CIMIP2B: variants seen among roughly 807,000 people sequenced by gnomAD.
The protein encoded by CIMIP2B is family with sequence similarity 166 member B.
chr9:35,562,294 TCAACCCCCACAAACCACC>T, the CIMIP2B span: 2 of 1,231,690 alleles, frequency 1.6e-6, no homozygotes, highest in Non-Finnish European at 2.2e-6. Context: ...TCTATTAGTT[TCAACCCCCACAAACCACC>T]CAACCCACCC....
the CIMIP2B span, chr9:35,561,843 T>C: frequency 1.7e-6 from 1 of 602,488 alleles, no homozygotes; most frequent in Non-Finnish European, 2.9e-6. Flanking sequence ...TGTTTATGTA[T>C]TTATTTATTT....
the CIMIP2B span, chr9:35,563,826 C>T: frequency 6.2e-7 from 1 of 1,613,814 alleles, no homozygotes; most frequent in Admixed American, 1.7e-5. Flanking sequence ...TGGCCACAGC[C>T]ATGGGGAGCC....
At chr9:35,561,878 A>G in the CIMIP2B span, 1 of 691,888 alleles carries the variant, frequency 1.4e-6, no homozygotes, top group Admixed American at 2.2e-5. Context: ...TTAATAAAAA[A>G]GGTGCTCAGC....
At chr9:35,562,476 G>T in the CIMIP2B span, 34 of 1,585,016 alleles carry the variant, frequency 2.1e-5, no homozygotes, top group Non-Finnish European at 2.8e-5. Context: ...GCACTGCCTG[G>T]TGAGTGCTTC....
chr9:35,562,813 G>C, the CIMIP2B span: 1 of 1,610,072 alleles, frequency 6.2e-7, no homozygotes, highest in Non-Finnish European at 8.5e-7. Context: ...CCCACTGCCC[G>C]GACACACAGT....
chr9:35,563,280 G>A, the CIMIP2B span: 70 of 1,613,974 alleles, frequency 4.3e-5, no homozygotes, highest in East Asian at 1.3e-3. Flanking sequence ...AGAAGTGTGC[G>A]GTGGACAGGG....
chr9:35,563,142 A>G, the CIMIP2B span: 3 of 1,613,216 alleles, frequency 1.9e-6, no homozygotes, highest in East Asian at 2.2e-5. Context: ...TGGGAGGGGC[A>G]CCTGTGCATA....
the CIMIP2B span, chr9:35,563,131 C>G: frequency 2.5e-6 from 4 of 1,613,388 alleles, no homozygotes; most frequent in Admixed American, 6.7e-5. Context: ...ACACATGCTC[C>G]TGGGAGGGGC....
chr9:35,562,175 C>CCAAA, the CIMIP2B span: 9 of 1,160,372 alleles, frequency 7.8e-6, no homozygotes, highest in South Asian at 1.6e-5. Context: ...GGCTAGACCT[C>CCAAA]CAAACAGCCC....
chr9:35,562,527 A>C, the CIMIP2B span: 1 of 1,576,972 alleles, frequency 6.3e-7, no homozygotes, highest in Non-Finnish European at 8.6e-7. Flanking sequence ...AGCACAGGAA[A>C]GCTGGAGCCG....
At chr9:35,562,894 G>A in the CIMIP2B span, 7 of 1,613,998 alleles carry the variant, frequency 4.3e-6, no homozygotes, top group East Asian at 2.2e-5. Flanking sequence ...CACCTCCAGT[G>A]TCGGCTCCTC....
chr9:35,562,441 TG>T, the CIMIP2B span: 2 of 1,575,354 alleles, frequency 1.3e-6, no homozygotes, highest in African/African-American at 1.3e-5. Context: ...TTCTGGGAAG[TG>T]GGGGGAGATG....
chr9:35,562,386 C>T, the CIMIP2B span: 29 of 1,479,260 alleles, frequency 2.0e-5, no homozygotes, highest in East Asian at 2.4e-5. Flanking sequence ...TCACCTGGCA[C>T]GTAGCCCCCA....
the CIMIP2B span, chr9:35,562,917 C>T: frequency 1.3e-5 from 21 of 1,614,054 alleles, no homozygotes; most frequent in Middle Eastern, 1.6e-4. Flanking sequence ...GCTGCCCCTC[C>T]GGCTCTGGCA....
the CIMIP2B span, chr9:35,562,804 C>G: frequency 6.2e-7 from 1 of 1,609,436 alleles, no homozygotes; most frequent in Non-Finnish European, 8.5e-7. Context: ...CATGCTGCCC[C>G]CACTGCCCGG....
the CIMIP2B span, chr9:35,561,840 G>T: frequency 3.2e-6 from 2 of 622,332 alleles, no homozygotes; most frequent in African/African-American, 1.8e-5. Flanking sequence ...GTCTGTTTAT[G>T]TATTTATTTA....
the CIMIP2B span, chr9:35,563,851 G>C: frequency 6.2e-7 from 1 of 1,612,054 alleles, no homozygotes; most frequent in Non-Finnish European, 8.5e-7. Context: ...ATTTCCTTTT[G>C]TTTGCCTTTG....
At chr9:35,563,370 G>A in the CIMIP2B span, 1 of 1,612,632 alleles carries the variant, frequency 6.2e-7, no homozygotes, top group Non-Finnish European at 8.5e-7. Flanking sequence ...AACCGAAGTA[G>A]TGGGCAGTGT....
the CIMIP2B span, chr9:35,563,367 G>A: frequency 1.1e-5 from 17 of 1,612,812 alleles, no homozygotes; most frequent in Non-Finnish European, 1.4e-5. Context: ...CTGAACCGAA[G>A]TAGTGGGCAG....
Sources: gnomAD v4.1 joint callset for allele counts on GRCh38, gnomAD v4.1.1 for gene constraint, MANE v1.5 for transcripts, NCBI Gene and HGNC (gene_info 2026-07-23, HGNC 2026-07-21) for gene names.